The following MRPL13 variants were observed in gnomAD, a reference collection of about 807,000 sequenced individuals.
MRPL13 encodes large ribosomal subunit protein uL13m.
In MRPL13, 33 loss-of-function variants were observed where a neutral mutation model predicts 29.0. The ratio of observed to expected loss-of-function variants is 1.14; its 90% CI spans 0.86 to 1.52. The LOEUF (loss-of-function observed/expected upper bound fraction) is 1.52, where lower values mean the gene tolerates loss of function less well. Among genes scored for constraint, MRPL13 ranks in the 40% most tolerant of loss-of-function variants. The pLI is 0.00. For missense variants in MRPL13, 227 were observed against 216.7 expected (o/e 1.05, Z -0.30); for synonymous variants, 77 against 68.4 (o/e 1.13, Z -0.62).
Position 120,443,318 on chromosome 8 carries a change from G to GGA in MRPL13, c.28-11_28-10insTC, listed in dbSNP as rs1554635181. ...CAAAAGTGGCCCATTGCTTGGGGGG[G>GGA]AAAAAAAAAAAAAAGAAGAGGAAAA... On this transcript the variant is annotated splice_polypyrimidine_tract_variant and intron_variant, in intron 1 of 6. Coordinates refer to ENST00000306185, the MANE Select transcript of MRPL13 (RefSeq NM_014078.6). 106 of 1,374,266 alleles carry GGA rather than the reference G, an allele frequency of 7.7e-5. No homozygotes were observed. The highest frequency in any genetic ancestry group is 2.0e-4 in the South Asian group (14 of 69,414). The allele number at this position is 1,374,266 out of a possible 1,614,324, so 85.1% of individuals were successfully genotyped here.
At chr8:120,396,415 A>G (rs1470237559) in intron 6 of MRPL13, among the ~76,000 whole-genome samples, 2 of 152,172 alleles carry the variant, frequency 1.3e-5, no homozygotes, top group Admixed American at 1.3e-4. Context: ...TCTCTGTTCC[A>G]TTTTTAAACT....
intron 6 of MRPL13, 122 bp downstream of exon 6, chr8:120,413,869 G>A: frequency 8.0e-7 from 1 of 1,253,870 alleles, no homozygotes; most frequent in Non-Finnish European, 1.0e-6. Context: ...TAGCTGCTGA[G>A]TTCCCAGGGG....
intron 6 of MRPL13, among the ~76,000 whole-genome samples, chr8:120,409,573 G>GA (rs1030537479): frequency 6.6e-6 from 1 of 151,634 alleles, no homozygotes; most frequent in Non-Finnish European, 1.5e-5. Context: ...AAAGAAAAAA[G>GA]AAAAAAAATC....
chr8:120,431,903 G>T, intron 3 of MRPL13, 127 bp downstream of exon 3: 2 of 608,872 alleles, frequency 3.3e-6, no homozygotes, highest in East Asian at 3.2e-5. Context: ...TATATACATG[G>T]CATGAGTAAA....
At chr8:120,437,508 GAGT>G (rs1174742943) in intron 2 of MRPL13, among the ~76,000 whole-genome samples, 1 of 152,120 alleles carries the variant, frequency 6.6e-6, no homozygotes, top group East Asian at 1.9e-4. Context: ...GCAGTGAAAG[GAGT>G]AGAATCCTCA....
At chr8:120,404,613 T>C (rs955020987) in intron 6 of MRPL13, among the ~76,000 whole-genome samples, 5 of 152,248 alleles carry the variant, frequency 3.3e-5, no homozygotes, top group African/African-American at 1.2e-4. Context: ...CTAATCATAC[T>C]GGCTCTTCCT....
At chr8:120,430,414 T>C (rs927800056) in intron 3 of MRPL13, among the ~76,000 whole-genome samples, 1 of 152,214 alleles carries the variant, frequency 6.6e-6, no homozygotes, top group Non-Finnish European at 1.5e-5. Flanking sequence ...AATTAGTATG[T>C]CCTAAAAATT....
intron 3 of MRPL13, among the ~76,000 whole-genome samples, chr8:120,426,304 C>A (rs998025100): frequency 1.3e-5 from 2 of 151,904 alleles, no homozygotes; most frequent in Non-Finnish European, 2.9e-5. Context: ...TCCATATGTT[C>A]CCTTCAATAA....
intron 2 of MRPL13, among the ~76,000 whole-genome samples, chr8:120,435,144 T>C (rs1184548260): frequency 1.3e-5 from 2 of 152,158 alleles, no homozygotes; most frequent in African/African-American, 4.8e-5. Flanking sequence ...ATGTATTACA[T>C]ACTTACTAAT....
At chr8:120,407,210 T>C (rs536339306) in intron 6 of MRPL13, among the ~76,000 whole-genome samples, 4 of 152,332 alleles carry the variant, frequency 2.6e-5, no homozygotes, top group Admixed American at 2.6e-4. Context: ...ATTTATATTA[T>C]CTTGAAAATG....
At chr8:120,435,788 T>C (rs1023095451) in intron 2 of MRPL13, among the ~76,000 whole-genome samples, 1 of 152,146 alleles carries the variant, frequency 6.6e-6, no homozygotes, top group African/African-American at 2.4e-5. Context: ...TGCCAATGTC[T>C]ATTATTTTTT....
chr8:120,411,799 T>C (rs1812743693), intron 6 of MRPL13, among the ~76,000 whole-genome samples: 1 of 152,082 alleles, frequency 6.6e-6, no homozygotes, highest in Admixed American at 6.6e-5. Flanking sequence ...AAAAAATGCA[T>C]CTAGTGGCTC....
intron 3 of MRPL13, among the ~76,000 whole-genome samples, chr8:120,428,019 G>A (rs1470184889): frequency 6.6e-6 from 1 of 150,516 alleles, no homozygotes; most frequent in Non-Finnish European, 1.5e-5. Flanking sequence ...AAAAGAGCCT[G>A]AATAGCCAAG....
chr8:120,419,750 TA>T, intron 5 of MRPL13, 101 bp downstream of exon 5: 1 of 739,276 alleles, frequency 1.4e-6, no homozygotes, highest in Non-Finnish European at 2.1e-6. Context: ...GAAGTTGACA[TA>T]AAATTTTTGA....
intron 5 of MRPL13, chr8:120,415,200 G>T (rs367786709): frequency 1.3e-5 from 2 of 152,314 alleles, no homozygotes; most frequent in Middle Eastern, 3.4e-3. Context: ...ATGATAAATT[G>T]ATTTTGGGAA....
At chr8:120,435,129 T>A (rs1392235390) in intron 2 of MRPL13, among the ~76,000 whole-genome samples, 1 of 152,288 alleles carries the variant, frequency 6.6e-6, no homozygotes, top group African/African-American at 2.4e-5. Context: ...ACAAATCCAC[T>A]TGCTATGTAT....
intron 2 of MRPL13, among the ~76,000 whole-genome samples, chr8:120,437,997 T>C (rs999379171): frequency 1.1e-4 from 16 of 152,188 alleles, no homozygotes; most frequent in Non-Finnish European, 1.0e-4. Context: ...TGAAAATTGT[T>C]TGCAATTTAA....
intron 4 of MRPL13, among the ~76,000 whole-genome samples, chr8:120,422,962 C>T (rs1274878391): frequency 1.3e-5 from 2 of 151,822 alleles, no homozygotes; most frequent in South Asian, 2.1e-4. Flanking sequence ...TTATAAATTG[C>T]GGACCTACAA....
At chr8:120,423,851 A>G (rs145647102) in intron 4 of MRPL13, among the ~76,000 whole-genome samples, 5,745 of 152,242 alleles carry the variant, frequency 0.038, 166 homozygotes, top group Non-Finnish European at 0.056. Flanking sequence ...AACAATAACA[A>G]GAATGTTCAA....
Sources: allele counts gnomAD v4.1 joint callset (sites outside exome capture counted in the v4.1 genomes callset), GRCh38; gene constraint gnomAD v4.1.1; transcripts MANE v1.5; gene names NCBI Gene and HGNC (gene_info 2026-07-23, HGNC 2026-07-21).